Variants in SENP6 observed in about 807,000 individuals in gnomAD.
SENP6 encodes SUMO specific peptidase 6.
SENP6 carries 41 observed loss-of-function variants against 134.5 expected under a neutral mutation model. That is an observed-to-expected ratio of 0.30 (90% CI 0.24 to 0.40). The LOEUF (loss-of-function observed/expected upper bound fraction) is 0.40, where lower values mean the gene tolerates loss of function less well. SENP6 is among the 10% of genes least tolerant of loss of function. SENP6 has a pLI of 1.00. For synonymous variants in SENP6, 395 were observed against 429.8 expected (o/e 0.92, Z 1.00); for missense variants, 1,248 against 1,312.5 (o/e 0.95, Z 0.76).
chr6:75,602,691 A>T (rs1766720957), intron 1 of SENP6, 115 bp downstream of exon 1: 1 of 1,063,286 alleles, frequency 9.4e-7, no homozygotes, highest in African/African-American at 1.6e-5. Context: ...GCGGTGAAGT[A>T]CGAGGGATGA....
Position 75,703,017 on chromosome 6 carries a change from G to T in SENP6, c.2661G>T (p.Arg887Ser), listed in dbSNP as rs749451608. The change falls in exon 19 of 24, where the codon AGG becomes AGT. Residue 887 changes from arginine to serine, a missense_variant. Transcript: ENST00000447266. ...CTACATCCCAGAAAGTTGCTGATAG[G>T]ACTAAAAGTGAGAATGGCCTACAGA... is the stretch of plus-strand genomic sequence containing the variant. ...GESTSQKVADRTKSENGLQNE... is the reference protein window; with the variant it reads ...GESTSQKVADSTKSENGLQNE... 2.5e-6 allele frequency: 4 copies of T among 1,613,400 alleles called. No individual in the cohort carries two copies. In the South Asian group the frequency reaches 4.4e-5, roughly 18 times the overall value.
Position 75,602,033 on chromosome 6 carries a change from G to T in SENP6, c.-492G>T, listed in dbSNP as rs189124093. 0.01 allele frequency: 1,615 copies of T among 154,666 alleles called. 60 individuals are homozygous for T. In the East Asian group the frequency reaches 0.14, roughly 13 times the overall value. 9.6% of individuals were successfully genotyped at this position (154,666 alleles called of 1,614,324 possible). A position where few individuals can be genotyped will look rare whatever the true frequency, so the allele number is the denominator to read the frequency against. On this transcript the variant is annotated 5_prime_UTR_variant, in exon 1 of 24. Transcript: ENST00000447266. ...GCCGTAGCGGCGGCGGCTGCAGAAC[G>T]AGCTAGGGGCCTGGGGGCGCCTGAC...
intron 10 of SENP6, among the ~76,000 whole-genome samples, chr6:75,667,779 A>G (rs1256130434): frequency 1.3e-5 from 2 of 152,210 alleles, no homozygotes; most frequent in Non-Finnish European, 2.9e-5. Context: ...GATTATTGGC[A>G]AACAAAATCG....
intron 19 of SENP6, among the ~76,000 whole-genome samples, chr6:75,707,034 G>C (rs1775445827): frequency 6.6e-6 from 1 of 152,210 alleles, no homozygotes; most frequent in African/African-American, 2.4e-5. Flanking sequence ...CACTGATCAA[G>C]TCATCACCTC....
At chr6:75,638,616 ATATATAT>A (rs1561993087) in intron 5 of SENP6, among the ~76,000 whole-genome samples, 3 of 35,776 alleles carry the variant, frequency 8.4e-5, no homozygotes, top group Non-Finnish European at 1.4e-4. Flanking sequence ...ATATATATAT[ATATATAT>A]TTTTTTTTTT....
At chr6:75,630,702 C>G (rs1231459691) in intron 3 of SENP6, among the ~76,000 whole-genome samples, 2 of 152,066 alleles carry the variant, frequency 1.3e-5, no homozygotes. Flanking sequence ...TTCTCTTTGT[C>G]TTTGGGCTTC....
chr6:75,695,769 C>G (rs767792628), intron 16 of SENP6, 35 bp from the exon 17 acceptor site: 5 of 1,487,812 alleles, frequency 3.4e-6, no homozygotes, highest in Non-Finnish European at 4.6e-6. Context: ...TGAACTGTTA[C>G]ATTAATTATA....
At chr6:75,692,946 C>CT (rs1246575946) in intron 16 of SENP6, among the ~76,000 whole-genome samples, 2 of 152,164 alleles carry the variant, frequency 1.3e-5, no homozygotes, top group African/African-American at 4.8e-5. Flanking sequence ...TGGCGTATGC[C>CT]TGTAGTTCCA....
chr6:75,698,107 A>G (rs1302178305), intron 18 of SENP6: 1 of 152,284 alleles, frequency 6.6e-6, no homozygotes, highest in Non-Finnish European at 1.5e-5. Flanking sequence ...AAAGAACACC[A>G]GAAATACACT....
chr6:75,663,184 G>A (rs765429723), intron 8 of SENP6, 37 bp from the exon 9 acceptor site: 1 of 1,581,738 alleles, frequency 6.3e-7, no homozygotes, highest in Non-Finnish European at 8.6e-7. Flanking sequence ...AAGAAAATCA[G>A]ACCAAATGCC....
intron 19 of SENP6, among the ~76,000 whole-genome samples, chr6:75,703,801 CAA>C (rs890914916): frequency 6.6e-6 from 1 of 151,150 alleles, no homozygotes. Context: ...TTCCATCACT[CAA>C]AAAAAAATCC....
chr6:75,707,355 CTTTTTTTTTTTTT>C (rs10564996), intron 19 of SENP6, among the ~76,000 whole-genome samples: 3 of 74,700 alleles, frequency 4.0e-5, no homozygotes, highest in East Asian at 3.9e-4. Flanking sequence ...TCTTCTTCTT[CTTTTTTTTTTTTT>C]TTTTTTTTTT....
intron 15 of SENP6, 46 bp downstream of exon 15, chr6:75,678,738 C>T: frequency 7.2e-7 from 1 of 1,384,374 alleles, no homozygotes; most frequent in African/African-American, 1.4e-5. Flanking sequence ...ATGTCTTTCT[C>T]TGTTTTATTA....
At chr6:75,700,929 C>T (rs1356282307) in intron 18 of SENP6, among the ~76,000 whole-genome samples, 1 of 152,046 alleles carries the variant, frequency 6.6e-6, no homozygotes, top group African/African-American at 2.4e-5. Flanking sequence ...GATCTAAATC[C>T]ATAGGGTACT....
intron 16 of SENP6, among the ~76,000 whole-genome samples, chr6:75,683,963 A>C (rs1251037115): frequency 6.6e-6 from 1 of 152,226 alleles, no homozygotes; most frequent in Non-Finnish European, 1.5e-5. Flanking sequence ...TGGGGATGAC[A>C]TTGAATCTAT....
chr6:75,621,699 G>T, intron 2 of SENP6, 74 bp downstream of exon 2: 2 of 881,014 alleles, frequency 2.3e-6, no homozygotes, highest in Admixed American at 2.4e-5. Flanking sequence ...TCTATTGTAT[G>T]GAAATATTTT....
chr6:75,646,013 A>G (rs2647402), intron 6 of SENP6, among the ~76,000 whole-genome samples: 47,654 of 152,160 alleles, frequency 0.31, 8,787 homozygotes, highest in Admixed American at 0.48. Flanking sequence ...CTGCATTAAT[A>G]TAACAGTTTC....
At chr6:75,647,891 C>T in intron 7 of SENP6, 90 bp downstream of exon 7, 1 of 983,190 alleles carries the variant, frequency 1.0e-6, no homozygotes, top group Non-Finnish European at 1.5e-6. Flanking sequence ...TTAGAATATT[C>T]CCAGGTATAA....
At chr6:75,711,157 T>C (rs553169965) in intron 20 of SENP6, among the ~76,000 whole-genome samples, 171 bp from the exon 21 acceptor site, 2 of 152,332 alleles carry the variant, frequency 1.3e-5, no homozygotes, top group African/African-American at 4.8e-5. Context: ...GTTGTAGCAT[T>C]GGATAATTGG....
Sources: gnomAD v4.1 joint callset for allele counts (sites outside exome capture counted in the v4.1 genomes callset) on GRCh38, gnomAD v4.1.1 for gene constraint, MANE v1.5 for transcripts, NCBI Gene and HGNC (gene_info 2026-07-23, HGNC 2026-07-21) for gene names.